Variants in CDK12 observed in about 807,000 individuals in gnomAD.
CDK12 encodes cyclin-dependent kinase 12.
In CDK12, 17 loss-of-function variants were observed where a neutral mutation model predicts 133.8. That is an observed-to-expected ratio of 0.13 (90% confidence interval 0.09 to 0.19). CDK12 has a LOEUF of 0.19. CDK12 is among the 10% of genes least tolerant of loss of function. CDK12 has a pLI of 1.00. For missense variants in CDK12, 1,508 were observed against 1,818.7 expected, an observed-to-expected ratio of 0.83 and a Z score of 3.11; for synonymous variants, 694 against 683.6, an observed-to-expected ratio of 1.02 and a Z score of -0.24.
At chr17:39,537,060 G>A (rs567362465), downstream of CDK12, among the ~76,000 whole-genome samples, 1 of 152,324 alleles carries the variant, frequency 6.6e-6, no homozygotes, top group East Asian at 1.9e-4. Context: ...GAGGGAGGCA[G>A]CATGAAGAAA....
At chr17:39,510,622 T>C (rs1055269434) in intron 7 of CDK12, among the ~76,000 whole-genome samples, 1 of 151,624 alleles carries the variant, frequency 6.6e-6, no homozygotes, top group African/African-American at 2.4e-5. Context: ...TCCTCCTTTT[T>C]CTTTTTTTTT....
chr17:39,538,775 G>A (rs1056048519), downstream of CDK12, among the ~76,000 whole-genome samples: 48 of 152,184 alleles, frequency 3.2e-4, no homozygotes, highest in Non-Finnish European at 5.9e-5. Flanking sequence ...GCACAAGCCT[G>A]TAGTCCCAGC....
upstream of CDK12, chr17:39,548,914 C>T (rs2055837109): frequency 6.6e-6 from 1 of 152,566 alleles, no homozygotes; most frequent in African/African-American, 2.4e-5. Context: ...CTGAGGGCCC[C>T]TCCCCAGGAG....
Position 39,471,615 on chromosome 17 carries a change from G to A in CDK12, c.1783G>A (p.Val595Met). ...PPSTHSKTSA[V>M]SSQANSQPPV... ...TTCTACTCACTCAAAGACATCTGCTGTGTCCTCTCAGGCAAATTCTCAGCC... is the reference window on the plus strand; with the variant it reads ...TTCTACTCACTCAAAGACATCTGCTATGTCCTCTCAGGCAAATTCTCAGCC... The change falls in exon 2 of 14, where the codon GTG becomes ATG. Residue 595 changes from valine to methionine, a missense_variant. Around this residue, in one of 9 missense-constraint regions of CDK12, gnomAD observed 347 missense variants for 330.8 expected, o/e 1.05. Coordinates refer to ENST00000447079, the MANE Select transcript of CDK12 (RefSeq NM_016507.4). 6.2e-7 allele frequency: 1 copy of A among 1,614,118 alleles called. No homozygotes were observed. Among genetic ancestry groups the A allele is most frequent in the Non-Finnish European group, 8.5e-7 (1 of 1,180,026 alleles).
At chr17:39,498,012 T>TCTCTTTCTTTC (rs1567734681) in intron 5 of CDK12, among the ~76,000 whole-genome samples, 2 of 16,398 alleles carry the variant, frequency 1.2e-4, no homozygotes, top group African/African-American at 2.3e-4. Flanking sequence ...TCTTTCTTTC[T>TCTCTTTCTTTC]TTTTTTTTTG....
At position 39,531,350 on chromosome 17, in the gene CDK12, C is replaced by G. The variant is rs2054836013; in HGVS notation, c.*34C>G. 7.1e-7 allele frequency: 1 copy of G among 1,410,248 alleles called. No homozygotes were observed. The highest frequency in any genetic ancestry group is 2.5e-5 in the East Asian group (1 of 39,540). 87.4% of individuals were successfully genotyped at this position (1,410,248 alleles called of 1,614,324 possible). A position where few individuals can be genotyped will look rare whatever the true frequency, so the allele number is the denominator to read the frequency against. ...CTTCAGTGTCCTGAAAGATTCCTTT[C>G]CTATCCATCCTTCCATCCAGTTCTC... is the stretch of plus-strand genomic sequence containing the variant. On this transcript the variant is annotated 3_prime_UTR_variant, in exon 14 of 14. Coordinates refer to ENST00000447079, the MANE Select transcript of CDK12 (RefSeq NM_016507.4).
chr17:39,563,546 T>C, intron 3 of CDK12, among the ~76,000 whole-genome samples: 1 of 136,406 alleles, frequency 7.3e-6, no homozygotes, highest in Non-Finnish European at 1.5e-5. Flanking sequence ...TCCCTCTCTC[T>C]TCTTCTTCCA....
At chr17:39,542,805 C>A (rs2055493078) in intron 1 of CDK12, among the ~76,000 whole-genome samples, 1 of 152,184 alleles carries the variant, frequency 6.6e-6, no homozygotes, top group African/African-American at 2.4e-5. Context: ...CCACTGCACC[C>A]AGTCTAAGAA....
chr17:39,505,023 G>A (rs571139631), intron 6 of CDK12, among the ~76,000 whole-genome samples: 184 of 151,388 alleles, frequency 1.2e-3, no homozygotes, highest in African/African-American at 4.1e-3. Flanking sequence ...GAGGTCAGGC[G>A]TTCAAGATCA....
chr17:39,551,249 G>A (rs1322272550), intron 2 of CDK12: 1 of 152,174 alleles, frequency 6.6e-6, no homozygotes, highest in Non-Finnish European at 1.5e-5. Flanking sequence ...AAGCAACTTA[G>A]GGGAGTCATG....
chr17:39,529,112 A>G (rs574516468), intron 13 of CDK12, among the ~76,000 whole-genome samples: 2 of 152,294 alleles, frequency 1.3e-5, no homozygotes, highest in East Asian at 1.9e-4. Flanking sequence ...AGGGTCACCA[A>G]TTCATTCCTG....
intron 2 of CDK12, among the ~76,000 whole-genome samples, chr17:39,551,311 G>A (rs1190462630): frequency 6.6e-6 from 1 of 152,126 alleles, no homozygotes; most frequent in Non-Finnish European, 1.5e-5. Flanking sequence ...CCTCTATACA[G>A]CTTGTTCCAG....
At chr17:39,544,765 C>G (rs992137475), upstream of CDK12, among the ~76,000 whole-genome samples, 4 of 151,546 alleles carry the variant, frequency 2.6e-5, no homozygotes, top group African/African-American at 9.7e-5. Flanking sequence ...TGAGTAGCTG[C>G]GGTTACAGGC....
At chr17:39,484,871 A>C (rs1475079405) in intron 2 of CDK12, among the ~76,000 whole-genome samples, 1 of 152,128 alleles carries the variant, frequency 6.6e-6, no homozygotes, top group African/African-American at 2.4e-5. Context: ...TAAAAATTTT[A>C]AAAATTTGAA....
chr17:39,484,771 T>C (rs1167035964), intron 2 of CDK12, among the ~76,000 whole-genome samples: 1 of 152,174 alleles, frequency 6.6e-6, no homozygotes, highest in Non-Finnish European at 1.5e-5. Flanking sequence ...GCTGACATGA[T>C]ACTCAAAGGA....
intron 3 of CDK12, among the ~76,000 whole-genome samples, chr17:39,562,902 C>A (rs200876415): frequency 1.1e-5 from 1 of 92,386 alleles, no homozygotes; most frequent in South Asian, 4.1e-4. Flanking sequence ...TTTTTCTTTT[C>A]TTTTTTTTTT....
intron 3 of CDK12, 82 bp downstream of exon 3, chr17:39,490,815 C>A: frequency 3.0e-6 from 3 of 1,011,756 alleles, no homozygotes; most frequent in Admixed American, 5.1e-5. Context: ...CTTCTATAAC[C>A]CACACCAGTA....
chr17:39,472,320 T>A (rs1000618000), intron 2 of CDK12, among the ~76,000 whole-genome samples: 7 of 152,034 alleles, frequency 4.6e-5, no homozygotes, highest in African/African-American at 7.2e-5. Context: ...ATTAAAATTT[T>A]AAAAAAATCG....
intron 2 of CDK12, among the ~76,000 whole-genome samples, chr17:39,555,781 C>T (rs963772015): frequency 2.0e-5 from 3 of 149,804 alleles, no homozygotes; most frequent in Admixed American, 1.3e-4. Context: ...ATCGCTTGAG[C>T]TTAGGAGTTC....
Sources: allele counts gnomAD v4.1 joint callset (sites outside exome capture counted in the v4.1 genomes callset), GRCh38; gene constraint gnomAD v4.1.1; regional missense constraint gnomAD v4.1.1; transcripts MANE v1.5; gene names NCBI Gene and HGNC (gene_info 2026-07-23, HGNC 2026-07-21).